Variants in PLEKHA5 observed in about 807,000 individuals in gnomAD.
PLEKHA5 encodes the protein pleckstrin homology domain-containing family A member 5.
Under a neutral mutation model 181.9 loss-of-function variants are expected in PLEKHA5, and 55 were observed. The observed-to-expected ratio is 0.30, with a 90% confidence interval of 0.24 to 0.38. The LOEUF is 0.38. Among genes scored for constraint, PLEKHA5 ranks in the 10% least tolerant of loss-of-function variants. The probability of loss-of-function intolerance (pLI) is 1.00; values close to 1 mark genes in which losing one functional copy is unlikely to be tolerated. For synonymous variants in PLEKHA5, 535 were observed against 529.4 expected (o/e 1.01, Z -0.15); for missense variants, 1,432 against 1,549.5 (o/e 0.92, Z 1.27).
At chr12:19,270,718 T>C (rs573630298) in intron 10 of PLEKHA5, among the ~76,000 whole-genome samples, 1 of 152,304 alleles carries the variant, frequency 6.6e-6, no homozygotes, top group Non-Finnish European at 1.5e-5. Flanking sequence ...GAAAAAATTA[T>C]GATGCAAGTT....
chr12:19,322,850 G>A (rs554057559), intron 20 of PLEKHA5, among the ~76,000 whole-genome samples, 183 bp downstream of exon 20: 10 of 151,556 alleles, frequency 6.6e-5, no homozygotes, highest in Non-Finnish European at 1.5e-4. Context: ...TTAATTAGTG[G>A]GCATTCTGTT....
At chr12:19,215,768 T>C (rs557057435) in intron 3 of PLEKHA5, among the ~76,000 whole-genome samples, 1 of 152,308 alleles carries the variant, frequency 6.6e-6, no homozygotes, top group East Asian at 1.9e-4. Context: ...AAATATAATA[T>C]CAATAGCTTG....
At chr12:19,263,281 T>C (rs541106760) in intron 7 of PLEKHA5, among the ~76,000 whole-genome samples, 5 of 152,270 alleles carry the variant, frequency 3.3e-5, no homozygotes, top group South Asian at 2.1e-4. Flanking sequence ...GGGAATCTTA[T>C]GTTCATTGCA....
At chr12:19,171,991 C>T (rs552620738) in intron 3 of PLEKHA5, among the ~76,000 whole-genome samples, 1 of 152,236 alleles carries the variant, frequency 6.6e-6, no homozygotes, top group East Asian at 1.9e-4. Context: ...TGCCTTGCTT[C>T]CGGAATACCT....
intron 15 of PLEKHA5, among the ~76,000 whole-genome samples, chr12:19,302,665 G>A (rs1208409858): frequency 6.6e-6 from 1 of 151,970 alleles, no homozygotes; most frequent in Non-Finnish European, 1.5e-5. Flanking sequence ...CCAAAGTGCT[G>A]CCGTTACAGA....
intron 3 of PLEKHA5, among the ~76,000 whole-genome samples, chr12:19,161,606 G>A (rs2042984535): frequency 6.6e-6 from 1 of 151,816 alleles, no homozygotes; most frequent in African/African-American, 2.4e-5. Flanking sequence ...GCCAACCAAG[G>A]GTGCGAACCA....
At chr12:19,252,820 T>C (rs923746979) in intron 3 of PLEKHA5, among the ~76,000 whole-genome samples, 3 of 152,040 alleles carry the variant, frequency 2.0e-5, no homozygotes, top group Non-Finnish European at 4.4e-5. Context: ...CTGTAAATTA[T>C]TCCTGTTTCA....
Position 19,245,723 on chromosome 12 carries a change from C to CAAAA in PLEKHA5, c.228-8193_228-8190dup, listed in dbSNP as rs1177391924. On this transcript the variant is annotated intron_variant, in intron 3 of 31. Transcript: ENST00000429027. Reference sequence around the variant, plus strand: ...GCCTGGGGAACGAGAGTGAGACTGTCAAAAAAAAAAAAAAAAAAAAAAAAA... The same window carrying CAAAA: ...GCCTGGGGAACGAGAGTGAGACTGTCAAAAAAAAAAAAAAAAAAAAAAAAAAAAA... Among the ~76,000 whole-genome samples the CAAAA allele has an allele frequency of 5.1e-4, 26 of 50,912 alleles. 1 individual carries two copies. The highest frequency in any genetic ancestry group is 1.3e-3 in the South Asian group (1 of 760). The allele number at this position is 50,912 out of a possible 152,430, so 33.4% of individuals were successfully genotyped here. A position where few individuals can be genotyped will look rare whatever the true frequency, so the allele number is the denominator to read the frequency against.
intron 15 of PLEKHA5, among the ~76,000 whole-genome samples, chr12:19,304,523 A>G (rs1384178778): frequency 1.3e-5 from 2 of 152,150 alleles, no homozygotes; most frequent in African/African-American, 4.8e-5. Context: ...TCTGATATCA[A>G]CTCATCTGGA....
At chr12:19,342,620 C>A (rs1054931921) in intron 21 of PLEKHA5, among the ~76,000 whole-genome samples, 1 of 151,944 alleles carries the variant, frequency 6.6e-6, no homozygotes, top group Non-Finnish European at 1.5e-5. Flanking sequence ...TATGTCGTTG[C>A]ACAAAATACA....
chr12:19,361,824 A>G, intron 29 of PLEKHA5, 118 bp downstream of exon 29: 1 of 831,424 alleles, frequency 1.2e-6, no homozygotes, highest in Non-Finnish European at 2.0e-6. Flanking sequence ...TAGGAGCTAT[A>G]GAATCTTGAG....
intron 3 of PLEKHA5, among the ~76,000 whole-genome samples, chr12:19,144,072 G>A (rs1272816010): frequency 2.0e-5 from 3 of 152,138 alleles, no homozygotes; most frequent in African/African-American, 7.2e-5. Context: ...ATATAAGAAT[G>A]TATGAAAGTG....
At chr12:19,254,104 C>G in intron 4 of PLEKHA5, 81 bp downstream of exon 4, 1 of 840,748 alleles carries the variant, frequency 1.2e-6, no homozygotes, top group Non-Finnish European at 2.0e-6. Flanking sequence ...TTCAATTTAG[C>G]AGTTTTCTTA....
intron 25 of PLEKHA5, among the ~76,000 whole-genome samples, chr12:19,352,017 A>G (rs10841214): frequency 0.65 from 97,030 of 148,890 alleles, 35,137 homozygotes; most frequent in Non-Finnish European, 0.83. Flanking sequence ...CAGAGATTAC[A>G]GTGAGCCGAG....
chr12:19,302,905 AATTT>A (rs1289641945), intron 15 of PLEKHA5, among the ~76,000 whole-genome samples: 80 of 106,618 alleles, frequency 7.5e-4, no homozygotes, highest in East Asian at 6.6e-3. Flanking sequence ...TTCTGTATGA[AATTT>A]TTTTTTTTTT....
intron 3 of PLEKHA5, among the ~76,000 whole-genome samples, chr12:19,223,309 T>G (rs2152317982): frequency 6.6e-6 from 1 of 152,294 alleles, no homozygotes; most frequent in African/African-American, 2.4e-5. Context: ...CCTCTTAATT[T>G]CAGCTGTTTC....
At position 19,332,506 on chromosome 12, in the gene PLEKHA5, T is replaced by TATTG. The variant is rs138572465; in HGVS notation, c.2449-4008_2449-4005dup. 2.9e-3 allele frequency among the ~76,000 whole-genome samples: 445 copies of TATTG among 152,230 alleles called. 2 individuals carry two copies. The highest frequency in any genetic ancestry group is 0.01 in the African/African-American group (428 of 41,552). On this transcript the variant is annotated intron_variant, in intron 20 of 31. Coordinates refer to ENST00000429027, the MANE Select transcript of PLEKHA5 (RefSeq NM_001256470.2). Reference sequence around the variant, plus strand: ...TTTTAAAATTGTTTTAGAGACAGGGTATTGCTACATTGCCCAGATGGGAGT... The same window carrying TATTG: ...TTTTAAAATTGTTTTAGAGACAGGGTATTGATTGCTACATTGCCCAGATGGGAGT...
chr12:19,185,665 T>C (rs188418383), intron 3 of PLEKHA5, among the ~76,000 whole-genome samples: 1 of 152,336 alleles, frequency 6.6e-6, no homozygotes, highest in Non-Finnish European at 1.5e-5. Flanking sequence ...CTAATTTGAA[T>C]TGGATTTTCT....
intron 3 of PLEKHA5, among the ~76,000 whole-genome samples, chr12:19,242,586 C>T (rs1442688815): frequency 6.6e-6 from 1 of 152,080 alleles, no homozygotes; most frequent in African/African-American, 2.4e-5. Context: ...TTTAAGAGAG[C>T]TTTTAAGAAA....
Sources: gnomAD v4.1 joint callset for allele counts (sites outside exome capture counted in the v4.1 genomes callset) on GRCh38, gnomAD v4.1.1 for gene constraint, MANE v1.5 for transcripts, NCBI Gene and HGNC (gene_info 2026-07-23, HGNC 2026-07-21) for gene names.